The following ANKH variants were observed in gnomAD, a reference collection of about 807,000 sequenced individuals.
ANKH encodes the protein ANKH inorganic pyrophosphate transport regulator, also known as mineralization regulator ANKH.
A neutral mutation model predicts 49.0 loss-of-function variants in ANKH; 15 were observed. The ratio of observed to expected loss-of-function variants is 0.31; its 90% CI spans 0.20 to 0.47. The LOEUF is 0.47. ANKH is among the 20% of genes least tolerant of loss of function. The pLI is 1.00. For synonymous variants in ANKH, 273 were observed against 260.0 expected, an observed-to-expected ratio of 1.05 and a Z score of -0.48; for missense variants, 429 against 652.0, an observed-to-expected ratio of 0.66 and a Z score of 3.72.
At chr5:14,712,783 C>T (rs780614417) in intron 11 of ANKH, 91 bp downstream of exon 11, 30 of 1,296,686 alleles carry the variant, frequency 2.3e-5, no homozygotes, top group African/African-American at 1.8e-4. Context: ...CACTGACGAA[C>T]GCCACCATCC....
chr5:14,716,672 A>G, intron 9 of ANKH, 34 bp downstream of exon 9: 1 of 1,613,194 alleles, frequency 6.2e-7, no homozygotes, highest in Non-Finnish European at 8.5e-7. Context: ...ATGAGGATAA[A>G]CAGGAATGCT....
intron 8 of ANKH, among the ~76,000 whole-genome samples, chr5:14,723,734 A>T (rs1737740121): frequency 6.6e-6 from 1 of 152,212 alleles, no homozygotes; most frequent in Admixed American, 6.5e-5. Flanking sequence ...GAGACCAGCC[A>T]TTGACCGTGA....
intron 1 of ANKH, among the ~76,000 whole-genome samples, chr5:14,794,185 C>T (rs576978517): frequency 1.3e-5 from 2 of 152,360 alleles, no homozygotes; most frequent in African/African-American, 2.4e-5. Flanking sequence ...ACTGGGAAAG[C>T]CAGCCTATTC....
intron 1 of ANKH, among the ~76,000 whole-genome samples, chr5:14,792,265 G>C (rs1243184077): frequency 6.6e-6 from 1 of 152,186 alleles, no homozygotes; most frequent in African/African-American, 2.4e-5. Flanking sequence ...TGATAGGAAA[G>C]GCTGCAAGCT....
chr5:14,817,297 G>A (rs1249423788), intron 1 of ANKH, among the ~76,000 whole-genome samples: 1 of 152,082 alleles, frequency 6.6e-6, no homozygotes, highest in Non-Finnish European at 1.5e-5. Context: ...TATGTGTGAC[G>A]CTAAAACGCC....
chr5:14,723,389 G>A (rs982239387), intron 8 of ANKH, among the ~76,000 whole-genome samples: 7 of 151,960 alleles, frequency 4.6e-5, no homozygotes, highest in South Asian at 2.1e-4. Context: ...GAAGGGCTGG[G>A]CATGGTGGAT....
intron 8 of ANKH, among the ~76,000 whole-genome samples, chr5:14,728,125 C>T (rs11133794): frequency 0.21 from 32,282 of 152,186 alleles, 5,003 homozygotes; most frequent in African/African-American, 0.44. Flanking sequence ...GAGAGAAGTG[C>T]GGAGGGAAGG....
At chr5:14,845,778 T>A (rs1458356949) in intron 1 of ANKH, among the ~76,000 whole-genome samples, 1 of 150,904 alleles carries the variant, frequency 6.6e-6, no homozygotes, top group Non-Finnish European at 1.5e-5. Context: ...TAATTAGCTA[T>A]GAGCCAAAGG....
At chr5:14,793,160 A>C (rs1740260121) in intron 1 of ANKH, among the ~76,000 whole-genome samples, 2 of 148,484 alleles carry the variant, frequency 1.3e-5, no homozygotes, top group South Asian at 4.2e-4. Context: ...GCCTAAAATA[A>C]AAGAGAGGTG....
intron 1 of ANKH, among the ~76,000 whole-genome samples, chr5:14,826,589 T>C (rs1331737069): frequency 2.6e-5 from 4 of 152,202 alleles, no homozygotes; most frequent in Non-Finnish European, 5.9e-5. Flanking sequence ...CAAATAAGTA[T>C]GTCAAGTTCT....
At chr5:14,836,947 C>G (rs1580106700) in intron 1 of ANKH, among the ~76,000 whole-genome samples, 1 of 152,040 alleles carries the variant, frequency 6.6e-6, no homozygotes, top group African/African-American at 2.4e-5. Context: ...CAGAACAGAG[C>G]CCTCAGAAAT....
intron 1 of ANKH, among the ~76,000 whole-genome samples, chr5:14,808,173 A>T (rs1057077547): frequency 6.6e-6 from 1 of 152,240 alleles, no homozygotes; most frequent in Non-Finnish European, 1.5e-5. Flanking sequence ...AAAATCAGCC[A>T]TATTCATACC....
intron 1 of ANKH, chr5:14,870,898 C>T (rs1384405648): frequency 1.1e-5 from 4 of 351,024 alleles, no homozygotes; most frequent in East Asian, 7.5e-5. Context: ...ACCTGGACTA[C>T]GAAACAAATG....
At chr5:14,749,981 T>C (rs931019266) in intron 5 of ANKH, among the ~76,000 whole-genome samples, 3 of 152,262 alleles carry the variant, frequency 2.0e-5, no homozygotes, top group Admixed American at 6.5e-5. Flanking sequence ...TGGAACCATC[T>C]TGGTCACTTT....
chr5:14,754,099 C>A (rs902508149), intron 4 of ANKH, among the ~76,000 whole-genome samples: 1 of 152,204 alleles, frequency 6.6e-6, no homozygotes, highest in Admixed American at 6.5e-5. Flanking sequence ...AATAACTACT[C>A]CACCAGGCAC....
intron 1 of ANKH, chr5:14,869,565 T>C (rs1735756542): frequency 6.6e-6 from 1 of 152,254 alleles, no homozygotes; most frequent in African/African-American, 2.4e-5. Context: ...AGCAATGTTT[T>C]AAGGATGAGT....
intron 1 of ANKH, among the ~76,000 whole-genome samples, chr5:14,825,177 C>T (rs772236181): frequency 2.6e-5 from 4 of 152,178 alleles, no homozygotes; most frequent in East Asian, 3.9e-4. Context: ...CTCACAAAAA[C>T]GACTGGGCAA....
intron 1 of ANKH, among the ~76,000 whole-genome samples, chr5:14,828,097 T>C (rs1428038306): frequency 3.9e-5 from 6 of 152,212 alleles, no homozygotes; most frequent in Non-Finnish European, 8.8e-5. Context: ...ACCATCTGCT[T>C]TATGCCATTC....
intron 11 of ANKH, 98 bp downstream of exon 11, chr5:14,712,776 T>C: frequency 8.1e-7 from 1 of 1,231,404 alleles, no homozygotes; most frequent in Non-Finnish European, 1.2e-6. Flanking sequence ...GATCCCCCAC[T>C]GACGAACGCC....
Sources: allele counts gnomAD v4.1 joint callset (sites outside exome capture counted in the v4.1 genomes callset), GRCh38; gene constraint gnomAD v4.1.1; transcripts MANE v1.5; gene names NCBI Gene and HGNC (gene_info 2026-07-23, HGNC 2026-07-21).